Variants in CSGALNACT1 observed in about 807,000 individuals in gnomAD.
The protein encoded by CSGALNACT1 is chondroitin sulfate N-acetylgalactosaminyltransferase 1.
Under a neutral mutation model 51.0 loss-of-function variants are expected in CSGALNACT1, and 52 were observed. The ratio of observed to expected loss-of-function variants is 1.02; its 90% CI spans 0.82 to 1.29. The LOEUF (loss-of-function observed/expected upper bound fraction) is 1.29, where lower values mean the gene tolerates loss of function less well. Ranked by LOEUF, CSGALNACT1 falls within the 50% of genes most tolerant of loss-of-function variation. The probability of loss-of-function intolerance (pLI) is 0.00; values close to 1 mark genes in which losing one functional copy is unlikely to be tolerated. For missense variants in CSGALNACT1, 935 were observed against 679.2 expected (o/e 1.38, Z -4.19); for synonymous variants, 341 against 254.4 (o/e 1.34, Z -3.24).
At chr8:19,695,638 A>T (rs1034782776) in intron 1 of CSGALNACT1, among the ~76,000 whole-genome samples, 1 of 152,230 alleles carries the variant, frequency 6.6e-6, no homozygotes, top group Non-Finnish European at 1.5e-5. Flanking sequence ...TAGAGGCTGT[A>T]CTGCAGATTG....
chr8:19,510,445 C>G (rs1012497061), intron 3 of CSGALNACT1, among the ~76,000 whole-genome samples: 6 of 152,190 alleles, frequency 3.9e-5, no homozygotes, highest in African/African-American at 1.4e-4. Context: ...ATCTAGGATT[C>G]TGTCTTTATT....
chr8:19,417,810 G>C (rs959345400), intron 8 of CSGALNACT1, among the ~76,000 whole-genome samples: 1 of 152,186 alleles, frequency 6.6e-6, no homozygotes, highest in African/African-American at 2.4e-5. Flanking sequence ...ACTTGAGGTG[G>C]GAGAAGGGCC....
chr8:19,656,632 A>T (rs766298308), intron 1 of CSGALNACT1, among the ~76,000 whole-genome samples: 1 of 148,428 alleles, frequency 6.7e-6, no homozygotes, highest in Non-Finnish European at 1.5e-5. Context: ...CAAAGACTTC[A>T]AACATTAGAA....
At chr8:19,522,513 G>T (rs2080926859) in intron 3 of CSGALNACT1, among the ~76,000 whole-genome samples, 1 of 152,192 alleles carries the variant, frequency 6.6e-6, no homozygotes. Flanking sequence ...GATTTTAAAA[G>T]GCGATGTATG....
intron 1 of CSGALNACT1, among the ~76,000 whole-genome samples, chr8:19,620,860 C>A (rs2053733060): frequency 6.6e-6 from 1 of 152,168 alleles, no homozygotes; most frequent in Admixed American, 6.5e-5. Context: ...TGCTCCTTCT[C>A]AAGTCCAACC....
chr8:19,461,625 C>T (rs1185818056), intron 4 of CSGALNACT1, among the ~76,000 whole-genome samples: 5 of 136,792 alleles, frequency 3.7e-5, no homozygotes, highest in African/African-American at 1.1e-4. Context: ...CCATGGGGGG[C>T]GTATCCGCAC....
intron 3 of CSGALNACT1, among the ~76,000 whole-genome samples, chr8:19,573,496 T>C (rs1250650647): frequency 1.3e-5 from 2 of 151,948 alleles, no homozygotes; most frequent in Non-Finnish European, 2.9e-5. Context: ...CAGGCTGGAA[T>C]GTAGTGGTGC....
chr8:19,541,553 A>ATTTTTTTTTTTTT lies in CSGALNACT1; in HGVS notation c.-296-35436_-296-35424dup, dbSNP rs1159626193. Among the ~76,000 whole-genome samples, 227 of 70,094 alleles carry ATTTTTTTTTTTTT rather than the reference A, an allele frequency of 3.2e-3. 61 individuals carry two copies. Among genetic ancestry groups the ATTTTTTTTTTTTT allele is most frequent in the African/African-American group, 0.014 (212 of 14,792 alleles). 46.0% of individuals were successfully genotyped at this position (70,094 alleles called of 152,430 possible). A position where few individuals can be genotyped will look rare whatever the true frequency, so the allele number is the denominator to read the frequency against. The stretch of plus-strand genomic sequence containing the variant: ...AGGTGTGAGCCACCGTGCTCAGCCA[A>ATTTTTTTTTTTTT]TTTTTTTTTTTTTTTTTTTTTTTTT... On this transcript the variant is annotated intron_variant, in intron 3 of 9. Transcript: ENST00000454498.
rs193270122 is a variant in CSGALNACT1, at chr8:19,526,388, T to A, written c.-296-20258A>T. On this transcript the variant is annotated intron_variant, in intron 3 of 9. Transcript: ENST00000454498. ...TCACAAGGTGAAGAGAATGAGACCA[T>A]CCTAGCCAACATGGTGAAACTTCAT... Among the ~76,000 whole-genome samples the A allele has an allele frequency of 9.9e-4, 151 of 152,248 alleles. 2 individuals are homozygous for A. In the South Asian group the frequency reaches 0.016, roughly 17 times the overall value.
chr8:19,573,857 A>C (rs2043566606), intron 3 of CSGALNACT1, among the ~76,000 whole-genome samples: 1 of 152,184 alleles, frequency 6.6e-6, no homozygotes, highest in African/African-American at 2.4e-5. Context: ...GTAGAAGAAA[A>C]GGAGTAAGAG....
At chr8:19,505,834 T>C (rs1418913568) in exon 4 of CSGALNACT1, 4 of 1,610,332 alleles carry the variant, frequency 2.5e-6, no homozygotes, top group Middle Eastern at 1.6e-4. Flanking sequence ...ACCATCATCA[T>C]TCAGGAATCA....
At chr8:19,636,219 C>T (rs559995431) in intron 1 of CSGALNACT1, among the ~76,000 whole-genome samples, 6 of 152,260 alleles carry the variant, frequency 3.9e-5, no homozygotes, top group African/African-American at 1.2e-4. Flanking sequence ...ATCAGTTTCA[C>T]GTAACTTTTA....
intron 3 of CSGALNACT1, among the ~76,000 whole-genome samples, chr8:19,580,674 A>T (rs2045365221): frequency 6.6e-6 from 1 of 152,244 alleles, no homozygotes; most frequent in African/African-American, 2.4e-5. Context: ...AACAAGATCA[A>T]ATGACCAAAA....
intron 6 of CSGALNACT1, among the ~76,000 whole-genome samples, chr8:19,432,707 G>C (rs984048983): frequency 2.0e-5 from 3 of 151,950 alleles, no homozygotes; most frequent in Non-Finnish European, 4.4e-5. Context: ...CTGCTGTTAA[G>C]CCTCCTCTGC....
chr8:19,540,390 T>C (rs1388322102), intron 3 of CSGALNACT1, among the ~76,000 whole-genome samples: 2 of 152,190 alleles, frequency 1.3e-5, no homozygotes, highest in Non-Finnish European at 2.9e-5. Context: ...CCCCTCCTCT[T>C]GCTCCCTGGA....
intron 5 of CSGALNACT1, among the ~76,000 whole-genome samples, chr8:19,458,116 T>C (rs1173592498): frequency 6.6e-6 from 1 of 152,154 alleles, no homozygotes; most frequent in Non-Finnish European, 1.5e-5. Flanking sequence ...GTTCCTGCTA[T>C]CCCCAAACCT....
chr8:19,580,287 T>C (rs185667251), intron 3 of CSGALNACT1, among the ~76,000 whole-genome samples: 1 of 152,194 alleles, frequency 6.6e-6, no homozygotes, highest in African/African-American at 2.4e-5. Context: ...AAGCTGTGAG[T>C]TGTAAAAGGA....
chr8:19,641,159 C>G (rs1321629478), intron 1 of CSGALNACT1, among the ~76,000 whole-genome samples: 1 of 127,020 alleles, frequency 7.9e-6, no homozygotes, highest in African/African-American at 3.0e-5. Context: ...TTTTTTTAAA[C>G]CAACCCTCTC....
At chr8:19,688,092 T>C (rs2061077149) in intron 1 of CSGALNACT1, among the ~76,000 whole-genome samples, 1 of 152,152 alleles carries the variant, frequency 6.6e-6, no homozygotes, top group Non-Finnish European at 1.5e-5. Flanking sequence ...CATTTCCCAT[T>C]TTACACATGG....
Sources: allele counts gnomAD v4.1 joint callset (sites outside exome capture counted in the v4.1 genomes callset), GRCh38; gene constraint gnomAD v4.1.1; transcripts MANE v1.5; gene names NCBI Gene and HGNC (gene_info 2026-07-23, HGNC 2026-07-21).